Variants in SYT1 observed in about 807,000 individuals in gnomAD.
SYT1 encodes synaptotagmin-1.
Under a neutral mutation model 44.8 loss-of-function variants are expected in SYT1, and 8 were observed. The observed-to-expected ratio is 0.18, with a 90% CI of 0.10 to 0.32. The LOEUF is 0.32. Ranked by LOEUF, SYT1 falls within the 10% of genes least tolerant of loss-of-function variation. The pLI is 1.00. For synonymous variants in SYT1, 154 were observed against 188.8 expected, an observed-to-expected ratio of 0.82 and a Z score of 1.51; for missense variants, 286 against 509.3, an observed-to-expected ratio of 0.56 and a Z score of 4.22.
At chr12:79,381,950 A>T (rs1474211628) in intron 9 of SYT1, among the ~76,000 whole-genome samples, 2 of 152,146 alleles carry the variant, frequency 1.3e-5, no homozygotes, top group African/African-American at 2.4e-5. Flanking sequence ...CTAGGTAATT[A>T]CTTCCCTGAC....
intron 3 of SYT1, among the ~76,000 whole-genome samples, chr12:79,207,257 C>T (rs918028027): frequency 1.3e-5 from 2 of 152,194 alleles, no homozygotes; most frequent in Non-Finnish European, 2.9e-5. Context: ...AAGGAGCTAT[C>T]GATGGGCACA....
intron 8 of SYT1, among the ~76,000 whole-genome samples, chr12:79,320,447 A>G (rs1488649092): frequency 2.6e-5 from 4 of 152,132 alleles, no homozygotes; most frequent in Admixed American, 2.6e-4. Context: ...CATAGGAATC[A>G]TTTTGACCAA....
chr12:79,140,296 T>C (rs1187282585), intron 3 of SYT1, among the ~76,000 whole-genome samples: 3 of 152,202 alleles, frequency 2.0e-5, no homozygotes, highest in Admixed American at 6.5e-5. Context: ...AAGAATCCCA[T>C]ATCCTCTTCT....
At chr12:79,384,988 T>A (rs1884376178) in intron 9 of SYT1, among the ~76,000 whole-genome samples, 2 of 34,814 alleles carry the variant, frequency 5.7e-5, no homozygotes, top group African/African-American at 9.1e-5. Flanking sequence ...GACCACTGGA[T>A]TTTTTTTTTT....
intron 3 of SYT1, among the ~76,000 whole-genome samples, chr12:79,113,047 C>T (rs1174462541): frequency 6.6e-6 from 1 of 152,114 alleles, no homozygotes; most frequent in Non-Finnish European, 1.5e-5. Context: ...ACTGAATGAA[C>T]AAGCCCAGAT....
At chr12:78,929,324 C>T (rs956289032) in intron 1 of SYT1, among the ~76,000 whole-genome samples, 4 of 140,200 alleles carry the variant, frequency 2.9e-5, no homozygotes, top group African/African-American at 1.1e-4. Flanking sequence ...ATTGCTTGAA[C>T]CCGGGAGGCA....
intron 1 of SYT1, among the ~76,000 whole-genome samples, chr12:78,870,294 T>C (rs966878320): frequency 3.9e-5 from 6 of 152,056 alleles, no homozygotes; most frequent in African/African-American, 1.4e-4. Context: ...AAATATCCAC[T>C]TAATTAAATT....
At chr12:79,420,663 G>C (rs1869052443) in intron 9 of SYT1, among the ~76,000 whole-genome samples, 2 of 152,116 alleles carry the variant, frequency 1.3e-5, no homozygotes, top group South Asian at 4.1e-4. Flanking sequence ...GCACAAGAGA[G>C]ATATGATGTG....
intron 1 of SYT1, among the ~76,000 whole-genome samples, chr12:78,973,397 G>A (rs946862779): frequency 6.6e-6 from 1 of 151,930 alleles, no homozygotes; most frequent in Non-Finnish European, 1.5e-5. Flanking sequence ...CATCTCCCCA[G>A]CCCAACATCT....
At chr12:79,048,049 A>G (rs35326260) in intron 3 of SYT1, among the ~76,000 whole-genome samples, 1 of 151,914 alleles carries the variant, frequency 6.6e-6, no homozygotes, top group Non-Finnish European at 1.5e-5. Context: ...AATATGAAGA[A>G]CAATAACATA....
chr12:79,325,473 G>C (rs374597742), intron 8 of SYT1, among the ~76,000 whole-genome samples: 39 of 152,230 alleles, frequency 2.6e-4, no homozygotes, highest in African/African-American at 8.7e-4. Context: ...AAAATATATA[G>C]AGAATTTATT....
At chr12:78,923,219 T>C (rs944914769) in intron 1 of SYT1, among the ~76,000 whole-genome samples, 1 of 152,042 alleles carries the variant, frequency 6.6e-6, no homozygotes, top group African/African-American at 2.4e-5. Flanking sequence ...ATGTGGCTAG[T>C]GTGACTGAGG....
intron 3 of SYT1, among the ~76,000 whole-genome samples, chr12:79,209,071 T>C (rs1320575379): frequency 1.3e-5 from 2 of 152,192 alleles, no homozygotes; most frequent in Non-Finnish European, 2.9e-5. Context: ...AAACAACCTT[T>C]CTTCAGTAGC....
chr12:79,041,221 G>A (rs921704399), intron 2 of SYT1, among the ~76,000 whole-genome samples: 1 of 152,024 alleles, frequency 6.6e-6, no homozygotes, highest in African/African-American at 2.4e-5. Flanking sequence ...GGGCAGTATG[G>A]CCATTTTCAT....
At chr12:78,983,009 A>G (rs939831702) in intron 2 of SYT1, among the ~76,000 whole-genome samples, 1 of 152,100 alleles carries the variant, frequency 6.6e-6, no homozygotes, top group Non-Finnish European at 1.5e-5. Flanking sequence ...AGGAACAAAT[A>G]TATAAATAAT....
intron 1 of SYT1, among the ~76,000 whole-genome samples, chr12:78,906,284 A>G (rs1362630916): frequency 6.6e-6 from 1 of 152,098 alleles, no homozygotes; most frequent in Non-Finnish European, 1.5e-5. Flanking sequence ...TTCAAAAAGT[A>G]GGAAGATGTT....
intron 1 of SYT1, among the ~76,000 whole-genome samples, chr12:78,942,805 G>A (rs537024981): frequency 1.6e-4 from 24 of 152,246 alleles, no homozygotes; most frequent in Admixed American, 5.9e-4. Context: ...AGGCTGAGCC[G>A]AGGGTCGACA....
intron 3 of SYT1, among the ~76,000 whole-genome samples, chr12:79,130,622 C>T (rs1349994134): frequency 6.6e-6 from 1 of 152,158 alleles, no homozygotes; most frequent in Non-Finnish European, 1.5e-5. Flanking sequence ...ACTAGGATTT[C>T]TCAGTTCTAA....
chr12:79,146,842 A>G (rs1374675292), intron 3 of SYT1, among the ~76,000 whole-genome samples: 5 of 152,092 alleles, frequency 3.3e-5, no homozygotes, highest in Non-Finnish European at 7.4e-5. Flanking sequence ...AACAGCATAT[A>G]TCTACTACTT....
Sources: gnomAD v4.1 joint callset for allele counts (sites outside exome capture counted in the v4.1 genomes callset) on GRCh38, gnomAD v4.1.1 for gene constraint, MANE v1.5 for transcripts, NCBI Gene and HGNC (gene_info 2026-07-23, HGNC 2026-07-21) for gene names.